The following EXO1 variants were observed in gnomAD, a reference collection of about 807,000 sequenced individuals.
EXO1 encodes the protein exonuclease 1.
In EXO1, 69 loss-of-function variants were observed where a neutral mutation model predicts 84.5. The observed-to-expected ratio is 0.82, with a 90% CI of 0.67 to 1.00. EXO1 has a LOEUF of 1.00. EXO1 is among the 50% of genes least tolerant of loss of function. The pLI is 0.00. For synonymous variants in EXO1, 373 were observed against 366.1 expected, an observed-to-expected ratio of 1.02 and a Z score of -0.21; for missense variants, 1,045 against 1,000.7, an observed-to-expected ratio of 1.04 and a Z score of -0.60.
At chr1:241,850,608 A>T (rs1352789590) in intron 4 of EXO1, 22 bp downstream of exon 4, 1 of 1,606,036 alleles carries the variant, frequency 6.2e-7, no homozygotes, top group Admixed American at 1.7e-5. Context: ...CCTTATGTTA[A>T]TTCTTTGACA....
Position 241,881,964 on chromosome 1 carries a change from T to C in EXO1, c.2158T>C (p.Ser720Pro). Residue 720 changes from serine to proline, a missense_variant, in exon 14 of 16, where the codon TCC (serine) becomes CCC (proline). Physicochemically the swap from Ser to Pro is moderately conservative, Grantham distance 74. Transcript: ENST00000366548. Reference protein sequence around the residue: ...KLLDSQSDQTSKLRLSHFSKK... With the variant: ...KLLDSQSDQTPKLRLSHFSKK... ...ACTTGACAGTCAAAGTGACCAGACC[T>C]CCAAGCTACGTTTATCTCATTTCTC... 4 of 1,584,826 alleles carry C rather than the reference T, an allele frequency of 2.5e-6. No homozygotes were observed. In the South Asian group the frequency reaches 3.4e-5, roughly 13 times the overall value.
At chr1:241,878,224 C>T (rs565195500) in intron 12 of EXO1, among the ~76,000 whole-genome samples, 15 of 152,284 alleles carry the variant, frequency 9.9e-5, no homozygotes, top group East Asian at 1.9e-4. Context: ...CTAGGCCGGG[C>T]GCTGTGGCTC....
intron 15 of EXO1, 143 bp from the exon 16 acceptor site, chr1:241,889,322 T>G (rs573584832): frequency 5.6e-6 from 4 of 717,104 alleles, no homozygotes; most frequent in African/African-American, 3.5e-5. Context: ...GAGAACCTGA[T>G]TGTGTTATAT....
At position 241,875,694 on chromosome 1, in the gene EXO1, T is replaced by A. The variant is rs377112920; in HGVS notation, c.1515-3055T>A. The stretch of plus-strand genomic sequence containing the variant: ...GAGATCGAGACCATCCTGGCTAACA[T>A]GGTGAAACCCCATCTCTACTAAAAG... On this transcript the variant is annotated intron_variant, in intron 12 of 15. Coordinates refer to ENST00000366548, the MANE Select transcript of EXO1 (RefSeq NM_130398.4). 1.7e-4 allele frequency among the ~76,000 whole-genome samples: 26 copies of A among 152,176 alleles called. 1 individual carries two copies. The South Asian group carries it at 5.2e-3, about 30-fold the overall frequency.
intron 11 of EXO1, among the ~76,000 whole-genome samples, chr1:241,870,481 A>T (rs851782): frequency 2.1e-3 from 317 of 152,068 alleles, no homozygotes; most frequent in African/African-American, 7.4e-3. Flanking sequence ...TTGAAATGTG[A>T]TCTGCTTACC....
chr1:241,851,175 C>T (rs1197240033), intron 4 of EXO1, among the ~76,000 whole-genome samples: 1 of 152,194 alleles, frequency 6.6e-6, no homozygotes, highest in Non-Finnish European at 1.5e-5. Context: ...CTTTGAAAAT[C>T]CGTGATGATT....
rs568943413 is a variant in EXO1, at chr1:241,878,670, C to T, written c.1515-79C>T. 59 of 803,882 alleles carry T rather than the reference C, an allele frequency of 7.3e-5. No individual in the cohort carries two copies. The South Asian group carries it at 9.2e-4, about 13-fold the overall frequency. 49.8% of individuals were successfully genotyped at this position (803,882 alleles called of 1,614,324 possible). A position where few individuals can be genotyped will look rare whatever the true frequency, so the allele number is the denominator to read the frequency against. On this transcript the variant is annotated intron_variant, in intron 12 of 15. Coordinates refer to ENST00000366548, the MANE Select transcript of EXO1 (RefSeq NM_130398.4). ...TTTTTCAAAAAGAAACTGATTATTC[C>T]ATTTTGAATCTTGACACCCCTTGAG...
At chr1:241,861,531 A>G (rs1661383997) in intron 10 of EXO1, 29 bp downstream of exon 10, 4 of 1,192,550 alleles carry the variant, frequency 3.4e-6, no homozygotes, top group Non-Finnish European at 5.0e-6. Context: ...CCCTATGAAA[A>G]CACGTTTTAG....
intron 14 of EXO1, among the ~76,000 whole-genome samples, chr1:241,884,692 T>G (rs1662953983): frequency 6.9e-6 from 1 of 144,700 alleles, no homozygotes; most frequent in Non-Finnish European, 1.5e-5. Flanking sequence ...TGCACGTAAG[T>G]CAGTGGATGC....
At chr1:241,875,327 A>G (rs1045947529) in intron 12 of EXO1, among the ~76,000 whole-genome samples, 1 of 152,196 alleles carries the variant, frequency 6.6e-6, no homozygotes, top group African/African-American at 2.4e-5. Flanking sequence ...TTAATAAATC[A>G]GGCAGCAGTC....
intron 10 of EXO1, among the ~76,000 whole-genome samples, chr1:241,863,503 A>T (rs996458750): frequency 6.6e-6 from 1 of 152,102 alleles, no homozygotes; most frequent in Non-Finnish European, 1.5e-5. Context: ...AGAATATCTT[A>T]GTGTTTACCA....
At chr1:241,884,680 C>T (rs908701728) in intron 14 of EXO1, among the ~76,000 whole-genome samples, 6 of 146,510 alleles carry the variant, frequency 4.1e-5, no homozygotes, top group African/African-American at 8.0e-5. Flanking sequence ...TGTGTGTGCA[C>T]GTGCACGTAA....
At chr1:241,860,273 G>A (rs1661305902) in intron 8 of EXO1, among the ~76,000 whole-genome samples, 1 of 137,654 alleles carries the variant, frequency 7.3e-6, no homozygotes, top group Admixed American at 7.7e-5. Flanking sequence ...CAAACTTGAT[G>A]TACTATATAA....
At chr1:241,882,555 T>C (rs1019505413) in intron 14 of EXO1, among the ~76,000 whole-genome samples, 1 of 152,204 alleles carries the variant, frequency 6.6e-6, no homozygotes, top group Admixed American at 6.5e-5. Flanking sequence ...AAGCATATTT[T>C]ATATATTAAG....
chr1:241,859,976 A>G (rs977697640), intron 8 of EXO1, among the ~76,000 whole-genome samples: 8 of 152,192 alleles, frequency 5.3e-5, no homozygotes, highest in Non-Finnish European at 1.2e-4. Context: ...CCAGGTGGGA[A>G]TAGGACCACG....
intron 12 of EXO1, among the ~76,000 whole-genome samples, chr1:241,872,565 T>TC (rs1662178518): frequency 6.6e-6 from 1 of 152,172 alleles, no homozygotes; most frequent in South Asian, 2.1e-4. Flanking sequence ...CCATGTACTC[T>TC]CATTGTTCAA....
chr1:241,854,921 T>G (rs1237782607), intron 6 of EXO1: 1 of 153,688 alleles, frequency 6.5e-6, no homozygotes. Context: ...CGGTGAGTGT[T>G]ACAGCTCTTA....
Position 241,885,243 on chromosome 1 carries a change from A to AG in EXO1, c.2212-71_2212-70insG, listed in dbSNP as rs373407669. ...AAATAAATAAATAAATAAGTAAAGA[A>AG]TAAAGAATAGCTTGAAATTAAAGTT... On this transcript the variant is annotated intron_variant, in intron 14 of 15. Transcript: ENST00000366548. 9.3e-6 allele frequency: 9 copies of AG among 972,646 alleles called. No homozygotes were observed. In the African/African-American group the frequency reaches 1.4e-4, roughly 15 times the overall value. The allele number at this position is 972,646 out of a possible 1,614,324, so 60.3% of individuals were successfully genotyped here. A position where few individuals can be genotyped will look rare whatever the true frequency, so the allele number is the denominator to read the frequency against.
chr1:241,856,939 G>A (rs559514106), intron 6 of EXO1, among the ~76,000 whole-genome samples: 5 of 152,246 alleles, frequency 3.3e-5, no homozygotes, highest in East Asian at 1.9e-4. Flanking sequence ...AGGCTGAGGT[G>A]GGAAGATCAC....
Sources: gnomAD v4.1 joint callset for allele counts (sites outside exome capture counted in the v4.1 genomes callset) on GRCh38, gnomAD v4.1.1 for gene constraint, MANE v1.5 for transcripts, NCBI Gene and HGNC (gene_info 2026-07-23, HGNC 2026-07-21) for gene names.